GPC4: variants seen among roughly 807,000 people sequenced by gnomAD.
GPC4 encodes glypican-4.
A neutral mutation model predicts 35.0 loss-of-function variants in GPC4; 10 were observed. That is an observed-to-expected ratio of 0.29 (90% CI 0.18 to 0.48). The LOEUF (loss-of-function observed/expected upper bound fraction) is 0.48, where lower values mean the gene tolerates loss of function less well. GPC4 is among the 20% of genes least tolerant of loss of function. The pLI, the probability that GPC4 is intolerant of heterozygous loss-of-function variation, is 0.99. For synonymous variants in GPC4, 167 were observed against 170.2 expected (o/e 0.98, Z 0.15); for missense variants, 322 against 451.3 (o/e 0.71, Z 2.60).
At chrX:133,362,137 C>T (rs2068571607) in intron 1 of GPC4, among the ~76,000 whole-genome samples, 1 of 108,228 alleles carries the variant, frequency 9.2e-6, no homozygotes. Context: ...TCACTTGAGC[C>T]CAGGAGGTCG....
intron 1 of GPC4, among the ~76,000 whole-genome samples, chrX:133,350,784 A>G (rs957214968): frequency 2.1e-4 from 24 of 111,898 alleles, no homozygotes; most frequent in African/African-American, 6.5e-4. Context: ...CCCAGTTCCT[A>G]TGGATATGGA....
At chrX:133,334,425 C>T (rs749886849) in intron 2 of GPC4, among the ~76,000 whole-genome samples, 1 of 111,827 alleles carries the variant, frequency 8.9e-6, no homozygotes, top group Admixed American at 9.5e-5. Context: ...TTCAAGTTAA[C>T]AAGCTTCAGG....
At chrX:133,386,440 T>C (rs1471381420) in intron 1 of GPC4, among the ~76,000 whole-genome samples, 2 of 111,839 alleles carry the variant, frequency 1.8e-5, no homozygotes, top group Admixed American at 9.5e-5. Flanking sequence ...ATGTTTCAGA[T>C]AGAATGAAAG....
intron 3 of GPC4, among the ~76,000 whole-genome samples, chrX:133,312,470 A>C (rs1235533569): frequency 9.1e-6 from 1 of 109,641 alleles, no homozygotes; most frequent in East Asian, 2.9e-4. Context: ...TTCTACTAAA[A>C]ATACAAAAAT....
intron 1 of GPC4, among the ~76,000 whole-genome samples, chrX:133,372,875 G>A (rs891465930): frequency 8.9e-5 from 10 of 112,228 alleles, no homozygotes; most frequent in Non-Finnish European, 1.5e-4. Context: ...CCAGAGGGAT[G>A]TGAACATATG....
intron 1 of GPC4, among the ~76,000 whole-genome samples, chrX:133,382,088 G>C (rs1472940397): frequency 8.9e-6 from 1 of 111,887 alleles, no homozygotes; most frequent in Non-Finnish European, 1.9e-5. Context: ...ACTTGTCATA[G>C]GATGAAAAAG....
At chrX:133,393,802 T>C (rs1386474700) in intron 1 of GPC4, among the ~76,000 whole-genome samples, 2 of 111,920 alleles carry the variant, frequency 1.8e-5, no homozygotes, top group Non-Finnish European at 3.8e-5. Context: ...ACACCAAAAA[T>C]AATCTAAATA....
intron 1 of GPC4, among the ~76,000 whole-genome samples, chrX:133,365,021 A>G (rs2068584208): frequency 8.9e-6 from 1 of 111,928 alleles, no homozygotes; most frequent in East Asian, 2.8e-4. Flanking sequence ...GGGGAGTCAC[A>G]GAGCTTGTTG....
At chrX:133,347,248 G>GTTTT (rs763800349) in intron 1 of GPC4, among the ~76,000 whole-genome samples, 1,984 of 25,311 alleles carry the variant, frequency 0.078, 445 homozygotes, top group African/African-American at 0.19. Context: ...TCTATTAGAA[G>GTTTT]TTTTTTTTTT....
At chrX:133,312,169 G>A (rs969861615) in intron 3 of GPC4, among the ~76,000 whole-genome samples, 1 of 111,215 alleles carries the variant, frequency 9.0e-6, no homozygotes, top group Non-Finnish European at 1.9e-5. Flanking sequence ...TCAAACAAAG[G>A]GAGAGCATCC....
intron 2 of GPC4, among the ~76,000 whole-genome samples, chrX:133,330,335 TAA>T (rs1269276815): frequency 9.0e-6 from 1 of 111,254 alleles, no homozygotes; most frequent in Non-Finnish European, 1.9e-5. Context: ...TAAGAAAATT[TAA>T]AGAGTTACAC....
At position 133,393,217 on chromosome X, in the gene GPC4, G is replaced by C. The variant is rs947011501; in HGVS notation, c.160+21589C>G. Among the ~76,000 whole-genome samples the C allele has an allele frequency of 3.6e-5, 4 of 111,572 alleles. No homozygotes were observed. In the East Asian group the frequency reaches 1.1e-3, roughly 31 times the overall value. On this transcript the variant is annotated intron_variant, in intron 1 of 8. Coordinates refer to ENST00000370828, the MANE Select transcript of GPC4 (RefSeq NM_001448.3). ...TCAGATGACAAATGTTTTAGGAAGG[G>C]TTTTGTTTGGGGTTTCTTTCCTTTG...
intron 1 of GPC4, among the ~76,000 whole-genome samples, chrX:133,373,914 T>C (rs780507313): frequency 4.5e-5 from 5 of 110,474 alleles, no homozygotes; most frequent in Admixed American, 1.9e-4. Flanking sequence ...CATCACTCCA[T>C]AGACAGAAAG....
At chrX:133,413,374 A>G (rs1291272626) in intron 1 of GPC4, among the ~76,000 whole-genome samples, 1 of 112,137 alleles carries the variant, frequency 8.9e-6, no homozygotes, top group Non-Finnish European at 1.9e-5. Flanking sequence ...GTTACACTCC[A>G]AAAGTGCCCA....
chrX:133,308,285 T>A (rs920115835), intron 4 of GPC4, among the ~76,000 whole-genome samples: 1 of 111,994 alleles, frequency 8.9e-6, no homozygotes, highest in Non-Finnish European at 1.9e-5. Flanking sequence ...TGCCAGGACC[T>A]GGCTGGTGTC....
At chrX:133,369,848 T>A (rs775094799) in intron 1 of GPC4, among the ~76,000 whole-genome samples, 18 of 111,406 alleles carry the variant, frequency 1.6e-4, no homozygotes, top group Non-Finnish European at 2.6e-4. Flanking sequence ...ACATACCAGC[T>A]GTGACTAATA....
At chrX:133,348,193 CA>C (rs1362662885) in intron 1 of GPC4, among the ~76,000 whole-genome samples, 2 of 112,156 alleles carry the variant, frequency 1.8e-5, no homozygotes, top group African/African-American at 6.5e-5. Flanking sequence ...AGCAAATTGT[CA>C]ACCAAGGTTA....
chrX:133,409,036 T>A (rs1183854703), intron 1 of GPC4, among the ~76,000 whole-genome samples: 1 of 108,753 alleles, frequency 9.2e-6, no homozygotes, highest in Non-Finnish European at 1.9e-5. Context: ...ACGCCTATAA[T>A]CCCAGCTACT....
intron 2 of GPC4, among the ~76,000 whole-genome samples, chrX:133,327,143 T>C (rs752304891): frequency 2.2e-4 from 25 of 112,577 alleles, no homozygotes; most frequent in African/African-American, 8.0e-4. Flanking sequence ...TCCTTCCTTA[T>C]ATTGAATTTT....
Sources: gnomAD v4.1 joint callset for allele counts (sites outside exome capture counted in the v4.1 genomes callset) on GRCh38, gnomAD v4.1.1 for gene constraint, MANE v1.5 for transcripts, NCBI Gene and HGNC (gene_info 2026-07-23, HGNC 2026-07-21) for gene names.